Variants in ARHGDIB observed in about 807,000 individuals in gnomAD.
ARHGDIB encodes the protein Rho GDP dissociation inhibitor beta.
ARHGDIB carries 20 observed loss-of-function variants against 22.6 expected under a neutral mutation model. The ratio of observed to expected loss-of-function variants is 0.88; its 90% CI spans 0.62 to 1.28. The LOEUF (loss-of-function observed/expected upper bound fraction) is 1.28. Among genes scored for constraint, ARHGDIB ranks in the 50% most tolerant of loss-of-function variants. The probability of loss-of-function intolerance (pLI) is 0.00; values close to 1 mark genes in which losing one functional copy is unlikely to be tolerated. For missense variants in ARHGDIB, 254 were observed against 245.4 expected (o/e 1.04, Z -0.23); for synonymous variants, 114 against 96.1 (o/e 1.19, Z -1.09).
At chr12:14,957,073 G>T (rs887359704) in intron 1 of ARHGDIB, among the ~76,000 whole-genome samples, 4 of 152,070 alleles carry the variant, frequency 2.6e-5, no homozygotes, top group Admixed American at 6.6e-5. Flanking sequence ...AAATTACCTG[G>T]GTAATTCAGA....
Position 14,942,419 on chromosome 12 carries a change from G to T in ARHGDIB, c.*103C>A, listed in dbSNP as rs1863884708. 5 of 1,257,976 alleles carry T rather than the reference G, an allele frequency of 4.0e-6. 1 individual carries two copies. In the African/African-American group the frequency reaches 7.3e-5, roughly 18 times the overall value. 77.9% of individuals were successfully genotyped at this position (1,257,976 alleles called of 1,614,324 possible). A position where few individuals can be genotyped will look rare whatever the true frequency, so the allele number is the denominator to read the frequency against. ...TGCATCAATAAGGAAATGTGGCAGT[G>T]TTGAAGAGGGACCCAGCTGTGGACA... On this transcript the variant is annotated 3_prime_UTR_variant, in exon 6 of 6. Transcript: ENST00000228945.
chr12:14,958,316 C>A (rs769464923), intron 1 of ARHGDIB, among the ~76,000 whole-genome samples: 4 of 151,992 alleles, frequency 2.6e-5, no homozygotes. Flanking sequence ...TGAAGGACTA[C>A]GAAAACTTCA....
At chr12:14,960,183 C>T (rs1195488046) in intron 1 of ARHGDIB, among the ~76,000 whole-genome samples, 1 of 152,162 alleles carries the variant, frequency 6.6e-6, no homozygotes, top group Non-Finnish European at 1.5e-5. Context: ...CTGCCTTTCC[C>T]CACTCTGAAT....
rs535792990 is a variant in ARHGDIB at position 14,956,021 on chromosome 12, G to A, written c.-12-5297C>T. ...TCCAGACCAGGAAACTAAAGTTCACGTTAAGTAACTTGCCTAAGAAGACAT... is the reference window on the plus strand; with the variant it reads ...TCCAGACCAGGAAACTAAAGTTCACATTAAGTAACTTGCCTAAGAAGACAT... On this transcript the variant is annotated intron_variant, in intron 1 of 5. Transcript: ENST00000228945. Among the ~76,000 whole-genome samples the A allele has an allele frequency of 3.3e-5, 5 of 152,282 alleles. No homozygotes were observed. The South Asian group carries it at 6.2e-4, about 19-fold the overall frequency.
intron 5 of ARHGDIB, 62 bp from the exon 6 acceptor site, chr12:14,942,783 A>C (rs1249302020): frequency 7.0e-7 from 1 of 1,437,606 alleles, no homozygotes; most frequent in Non-Finnish European, 9.7e-7. Context: ...TACACTGCAA[A>C]CTGGAGAATC....
At chr12:14,948,852 C>G (rs1378629272) in intron 3 of ARHGDIB, 1 of 152,420 alleles carries the variant, frequency 6.6e-6, no homozygotes. Context: ...GAGTTTCTCT[C>G]CTGGAGAGAT....
intron 1 of ARHGDIB, among the ~76,000 whole-genome samples, chr12:14,955,225 G>A (rs1035578278): frequency 6.6e-6 from 1 of 152,034 alleles, no homozygotes; most frequent in African/African-American, 2.4e-5. Flanking sequence ...AATGTTGTGA[G>A]GTAGGCACAA....
intron 1 of ARHGDIB, among the ~76,000 whole-genome samples, chr12:14,953,822 T>C (rs1565464139): frequency 2.1e-5 from 3 of 142,668 alleles, no homozygotes. Flanking sequence ...TTGCTTGCTC[T>C]CTCTCTCTCT....
chr12:14,947,661 G>C, intron 4 of ARHGDIB: 1 of 540,820 alleles, frequency 1.8e-6, no homozygotes, highest in Non-Finnish European at 3.3e-6. Context: ...ATAATGAAGA[G>C]TTTAAGAAGT....
intron 5 of ARHGDIB, among the ~76,000 whole-genome samples, chr12:14,944,100 G>A (rs1447554672): frequency 6.6e-6 from 1 of 151,404 alleles, no homozygotes; most frequent in African/African-American, 2.4e-5. Flanking sequence ...TGCCTCTGGA[G>A]GGGACAGACC....
chr12:14,958,450 A>C (rs1019674609), intron 1 of ARHGDIB, among the ~76,000 whole-genome samples: 3 of 152,212 alleles, frequency 2.0e-5, no homozygotes, highest in African/African-American at 7.2e-5. Flanking sequence ...TTGTGAGAGA[A>C]ACAATTTATT....
At chr12:14,950,021 C>T in intron 2 of ARHGDIB, 136 bp from the exon 3 acceptor site, 4 of 818,158 alleles carry the variant, frequency 4.9e-6, no homozygotes, top group Non-Finnish European at 7.5e-6. Flanking sequence ...ATGGATGTGG[C>T]AGGTTTGCTA....
chr12:14,947,439 C>T (rs1437848887), intron 4 of ARHGDIB, among the ~76,000 whole-genome samples: 1 of 152,172 alleles, frequency 6.6e-6, no homozygotes, highest in Non-Finnish European at 1.5e-5. Context: ...GGTTGATTCA[C>T]TTGTTTGTCC....
At chr12:14,947,162 C>T (rs1864037626) in intron 4 of ARHGDIB, among the ~76,000 whole-genome samples, 1 of 152,204 alleles carries the variant, frequency 6.6e-6, no homozygotes, top group African/African-American at 2.4e-5. Flanking sequence ...CAAACATAAA[C>T]CACGAAGTGC....
intron 1 of ARHGDIB, among the ~76,000 whole-genome samples, chr12:14,951,451 A>G (rs570267039): frequency 5.3e-5 from 8 of 152,328 alleles, no homozygotes; most frequent in African/African-American, 1.9e-4. Flanking sequence ...TTTTATATCT[A>G]AAGATATTCT....
chr12:14,947,938 CT>C lies in ARHGDIB; in HGVS notation c.276del (p.Ala93ProfsTer9). 6.2e-7 allele frequency: 1 copy of C among 1,610,940 alleles called. No homozygotes were observed. ...AACACAATGGTTTCCTTTTTGAGGG[CT>C]TCCAGATCTCCTGTAGAAGAAGATT... is the stretch of plus-strand genomic sequence containing the variant. ...PITMDLTGDL[E>X]ALKKETIVLK... is the part of the protein sequence containing the mutation. On this transcript the variant is annotated frameshift_variant, in exon 4 of 6. Coordinates refer to ENST00000228945, the MANE Select transcript of ARHGDIB (RefSeq NM_001175.7). LOFTEE classifies it high-confidence loss of function.
At chr12:14,951,067 AG>A (rs1864165148) in intron 1 of ARHGDIB, 1 of 166,958 alleles carries the variant, frequency 6.0e-6, no homozygotes, top group South Asian at 1.4e-4. Flanking sequence ...CCAGTCAAAA[AG>A]CTGTAGGAGT....
Position 14,947,945 on chromosome 12 carries a change from A to T in ARHGDIB, c.270T>A (p.Asp90Glu). 1 of 1,609,916 alleles carries T rather than the reference A, an allele frequency of 6.2e-7. No individual in the cohort carries two copies. Among genetic ancestry groups the T allele is most frequent in the Non-Finnish European group, 8.5e-7 (1 of 1,176,176 alleles). ...TGGTTTCCTTTTTGAGGGCTTCCAG[A>T]TCTCCTGTAGAAGAAGATTTAGAGA... ...PGPITMDLTG[D>E]LEALKKETIV... The change falls in exon 4 of 6, where the codon GAT becomes GAA. Residue 90 changes from aspartate to glutamate, a missense_variant. Physicochemically the swap from Asp to Glu is conservative, Grantham distance 45. Coordinates refer to ENST00000228945, the MANE Select transcript of ARHGDIB (RefSeq NM_001175.7).
chr12:14,947,797 G>T, intron 4 of ARHGDIB, 76 bp downstream of exon 4: 1 of 1,259,550 alleles, frequency 7.9e-7, no homozygotes. Context: ...ACCTCAACAT[G>T]ATCATGCAAG....
Sources: allele counts gnomAD v4.1 joint callset (sites outside exome capture counted in the v4.1 genomes callset), GRCh38; gene constraint gnomAD v4.1.1; transcripts MANE v1.5; gene names NCBI Gene and HGNC (gene_info 2026-07-23, HGNC 2026-07-21).